The following DHRSX variants were observed in gnomAD, a reference collection of about 807,000 sequenced individuals.
The protein encoded by DHRSX is polyprenol dehydrogenase.
DHRSX carries 31 observed loss-of-function variants against 34.0 expected under a neutral mutation model. The observed-to-expected ratio is 0.91, with a 90% CI of 0.69 to 1.23. DHRSX has a LOEUF of 1.23. DHRSX is among the 50% of genes most tolerant of loss of function. DHRSX has a pLI of 0.00. For synonymous variants in DHRSX, 201 were observed against 183.8 expected (o/e 1.09, Z -0.76); for missense variants, 414 against 428.1 (o/e 0.97, Z 0.29).
chrX:2,485,762 GAGAA>G, intron 1 of DHRSX, among the ~76,000 whole-genome samples: 1 of 52,160 alleles, frequency 1.9e-5, no homozygotes, highest in African/African-American at 9.3e-5. Context: ...AAGGAAGGGA[GAGAA>G]GGAAGGAAGG....
intron 3 of DHRSX, among the ~76,000 whole-genome samples, chrX:2,328,244 A>G (rs1446390562): frequency 6.6e-6 from 1 of 151,794 alleles, no homozygotes; most frequent in Admixed American, 6.6e-5. Flanking sequence ...TTGTGGGAGA[A>G]TAAACGTCTG....
chrX:2,253,436 G>A (rs1262726514), intron 5 of DHRSX, among the ~76,000 whole-genome samples: 1 of 151,796 alleles, frequency 6.6e-6, no homozygotes, highest in African/African-American at 2.4e-5. Context: ...GAGCCAAGAT[G>A]TCGCGGCCGC....
chrX:2,466,326 G>A (rs1449426651), intron 1 of DHRSX, among the ~76,000 whole-genome samples: 1 of 151,970 alleles, frequency 6.6e-6, no homozygotes, highest in Non-Finnish European at 1.5e-5. Context: ...TAATCTCAAC[G>A]ACTCAGTAGC....
At chrX:2,488,566 G>C in intron 1 of DHRSX, 1 of 1,509,914 alleles carries the variant, frequency 6.6e-7, no homozygotes, top group Non-Finnish European at 8.9e-7. Flanking sequence ...AGCTGACCGG[G>C]TAAGTATTTA....
chrX:2,325,439 C>T (rs952118198), intron 3 of DHRSX, among the ~76,000 whole-genome samples: 10 of 152,312 alleles, frequency 6.6e-5, no homozygotes, highest in Middle Eastern at 3.4e-3. Context: ...CCAGCAGGAA[C>T]TAGAGACTAG....
chrX:2,493,886 C>T (rs1398395144), intron 1 of DHRSX, among the ~76,000 whole-genome samples: 7 of 152,158 alleles, frequency 4.6e-5, no homozygotes, highest in African/African-American at 1.7e-4. Context: ...GCACGAGAAT[C>T]GTTTGAACCC....
chrX:2,431,592 C>G (rs1475451159), intron 1 of DHRSX, among the ~76,000 whole-genome samples: 4 of 152,132 alleles, frequency 2.6e-5, no homozygotes, highest in Non-Finnish European at 4.4e-5. Context: ...AGAATGAAAT[C>G]ATGTCCTTTG....
At chrX:2,238,271 C>T (rs907622292) in intron 6 of DHRSX, among the ~76,000 whole-genome samples, 9 of 152,186 alleles carry the variant, frequency 5.9e-5, no homozygotes, top group African/African-American at 1.9e-4. Flanking sequence ...GTGGGGTGAT[C>T]GTTTCAGTCC....
chrX:2,446,082 G>A (rs1347140244), intron 1 of DHRSX, among the ~76,000 whole-genome samples: 2 of 149,830 alleles, frequency 1.3e-5, no homozygotes, highest in East Asian at 4.0e-4. Flanking sequence ...ACACACTGAA[G>A]ATGTTCCCGA....
intron 1 of DHRSX, among the ~76,000 whole-genome samples, chrX:2,485,599 A>G (rs2044872983): frequency 1.0e-5 from 1 of 99,902 alleles, no homozygotes; most frequent in Admixed American, 1.0e-4. Context: ...AGGGAGGGAG[A>G]CAGGGAGGGA....
chrX:2,490,645 C>T (rs895727097), intron 1 of DHRSX: 2 of 1,613,866 alleles, frequency 1.2e-6, no homozygotes, highest in African/African-American at 1.3e-5. Flanking sequence ...AATACTTCCA[C>T]ACCTTGCTCT....
chrX:2,471,900 C>T (rs1414806525), intron 1 of DHRSX, among the ~76,000 whole-genome samples: 1 of 152,010 alleles, frequency 6.6e-6, no homozygotes, highest in Non-Finnish European at 1.5e-5. Context: ...AATCTCAGCA[C>T]TTTGGGAGGC....
At chrX:2,488,731 G>T (rs766625007) in intron 1 of DHRSX, 2 of 1,613,850 alleles carry the variant, frequency 1.2e-6, no homozygotes, top group Non-Finnish European at 1.7e-6. Context: ...ACTCCCCCTC[G>T]TCCTGGTCCT....
At chrX:2,240,721 T>C (rs530587590) in intron 6 of DHRSX, among the ~76,000 whole-genome samples, 18 of 152,176 alleles carry the variant, frequency 1.2e-4, no homozygotes, top group African/African-American at 4.1e-4. Flanking sequence ...GCAGACACTT[T>C]TAAAAATGCT....
At chrX:2,248,597 G>A (rs1214196109) in intron 5 of DHRSX, among the ~76,000 whole-genome samples, 1 of 113,890 alleles carries the variant, frequency 8.8e-6, no homozygotes, top group Non-Finnish European at 1.7e-5. Flanking sequence ...AGGGCGACAA[G>A]AGCAAGACTC....
At chrX:2,282,466 G>A (rs367557907) in intron 4 of DHRSX, among the ~76,000 whole-genome samples, 13 of 150,236 alleles carry the variant, frequency 8.7e-5, no homozygotes, top group African/African-American at 2.9e-4. Flanking sequence ...AAGGAGGAAA[G>A]AGAGAGAAGT....
chrX:2,434,058 G>A (rs1288289270), intron 1 of DHRSX, among the ~76,000 whole-genome samples: 26 of 152,096 alleles, frequency 1.7e-4, no homozygotes, highest in Admixed American at 5.9e-4. Flanking sequence ...GATTACAGGC[G>A]TGAGCCACCG....
intron 3 of DHRSX, among the ~76,000 whole-genome samples, chrX:2,307,798 T>A (rs73628290): frequency 0.4 from 55,407 of 137,186 alleles, 11,746 homozygotes; most frequent in Middle Eastern, 0.5. Flanking sequence ...ATAAAAAAAA[T>A]AAAATAAAAA....
chrX:2,229,173 T>C (rs1311042968), intron 6 of DHRSX, among the ~76,000 whole-genome samples: 1 of 152,138 alleles, frequency 6.6e-6, no homozygotes, highest in African/African-American at 2.4e-5. Context: ...ACCGTCCACA[T>C]CTTAGGGCAG....
Sources: allele counts gnomAD v4.1 joint callset (sites outside exome capture counted in the v4.1 genomes callset), GRCh38; gene constraint gnomAD v4.1.1; transcripts MANE v1.5; gene names NCBI Gene and HGNC (gene_info 2026-07-23, HGNC 2026-07-21).